Variants in HCRTR2 observed in about 807,000 individuals in gnomAD.
HCRTR2 encodes the protein hypocretin receptor 2, also known as orexin receptor type 2.
HCRTR2 carries 22 observed loss-of-function variants against 49.0 expected under a neutral mutation model. The ratio of observed to expected loss-of-function variants is 0.45; its 90% CI spans 0.32 to 0.64. The LOEUF (loss-of-function observed/expected upper bound fraction) is 0.64, where lower values mean the gene tolerates loss of function less well. Ranked by LOEUF, HCRTR2 falls within the 30% of genes least tolerant of loss-of-function variation. The pLI is 0.04. For missense variants in HCRTR2, 491 were observed against 559.4 expected, an observed-to-expected ratio of 0.88 and a Z score of 1.23; for synonymous variants, 236 against 205.3, an observed-to-expected ratio of 1.15 and a Z score of -1.28.
rs150593416 is a variant in HCRTR2, at chr6:55,188,469, C to T, written c.223+13659C>T. Among the ~76,000 whole-genome samples the T allele has an allele frequency of 2.0e-4, 31 of 152,318 alleles. No individual in the cohort carries two copies. The East Asian group carries it at 6.0e-3, about 29-fold the overall frequency. On this transcript the variant is annotated intron_variant, in intron 1 of 6. Transcript: ENST00000370862. ...TGAAGTCATGCAAAGATATCTTTTT[C>T]ATCCAAATGGAGGCAAAAGCATCAT...
rs149271843 is a variant in HCRTR2, at chr6:55,213,775, A to G, written c.224-34864A>G. 1.8e-4 allele frequency among the ~76,000 whole-genome samples: 28 copies of G among 152,250 alleles called. No homozygotes were observed. In the East Asian group the frequency reaches 5.2e-3, roughly 28 times the overall value. ...ACTAGCTTCCGTCATGCCTAAATAC[A>G]AGTGCTAATTGGGAAGTCCACAATG... On this transcript the variant is annotated intron_variant, in intron 1 of 6. Transcript: ENST00000370862.
At chr6:55,219,154 A>G (rs1213207381) in intron 1 of HCRTR2, among the ~76,000 whole-genome samples, 3 of 152,192 alleles carry the variant, frequency 2.0e-5, no homozygotes, top group African/African-American at 7.2e-5. Context: ...ACATCCAGAC[A>G]GAAGATCAAT....
chr6:55,115,508 GT>G (rs367957544), intron 1 of HCRTR2, among the ~76,000 whole-genome samples: 3 of 142,232 alleles, frequency 2.1e-5, no homozygotes, highest in East Asian at 4.0e-4. Context: ...GTGTGTGTGT[GT>G]GTGGTAGTAG....
chr6:55,275,249 T>C (rs2127329852), intron 4 of HCRTR2, among the ~76,000 whole-genome samples: 1 of 152,304 alleles, frequency 6.6e-6, no homozygotes, highest in South Asian at 2.1e-4. Context: ...ATTTATAAAG[T>C]TTATTCATAA....
intron 1 of HCRTR2, among the ~76,000 whole-genome samples, chr6:55,113,549 T>G (rs1283654330): frequency 6.6e-6 from 1 of 151,954 alleles, no homozygotes; most frequent in East Asian, 1.9e-4. Context: ...TCACTAATTA[T>G]CAGGAAAATG....
At chr6:55,149,854 C>T (rs1045973982) in intron 1 of HCRTR2, among the ~76,000 whole-genome samples, 2 of 151,980 alleles carry the variant, frequency 1.3e-5, no homozygotes, top group Non-Finnish European at 2.9e-5. Context: ...TTCAGAACTT[C>T]TGACTGGAAA....
At chr6:55,177,214 T>A (rs937303472) in intron 1 of HCRTR2, among the ~76,000 whole-genome samples, 1 of 152,184 alleles carries the variant, frequency 6.6e-6, no homozygotes, top group Non-Finnish European at 1.5e-5. Flanking sequence ...AAAGATTTAC[T>A]CAAAGCACTC....
intron 1 of HCRTR2, among the ~76,000 whole-genome samples, chr6:55,239,541 A>G (rs1302964038): frequency 6.6e-6 from 1 of 152,178 alleles, no homozygotes; most frequent in East Asian, 1.9e-4. Flanking sequence ...CCCTTTCAAG[A>G]CAAATTATTA....
At chr6:55,283,758 G>C (rs984057744), downstream of HCRTR2, among the ~76,000 whole-genome samples, 2 of 152,132 alleles carry the variant, frequency 1.3e-5, no homozygotes, top group Non-Finnish European at 2.9e-5. Context: ...ATGGGGCACA[G>C]TGTTTAAGAA....
rs147417664 is a variant in HCRTR2 at position 55,188,736 on chromosome 6, G to T, written c.223+13926G>T. ...ACCTACAAGGAATTTCTAATCTTGT[G>T]GGGGAGACTAACATGTAAACAATAA... On this transcript the variant is annotated intron_variant, in intron 1 of 6. Coordinates refer to ENST00000370862, the MANE Select transcript of HCRTR2 (RefSeq NM_001384272.1). 2.2e-4 allele frequency among the ~76,000 whole-genome samples: 33 copies of T among 152,242 alleles called. No homozygotes were observed. The East Asian group carries it at 6.2e-3, about 28-fold the overall frequency.
chr6:55,125,725 T>A (rs1764265358), intron 1 of HCRTR2, among the ~76,000 whole-genome samples: 2 of 152,190 alleles, frequency 1.3e-5, no homozygotes, highest in Admixed American at 1.3e-4. Flanking sequence ...CTTGGTTTCA[T>A]TCTCTCTGTC....
At chr6:55,142,042 A>G (rs1196337963) in intron 1 of HCRTR2, among the ~76,000 whole-genome samples, 1 of 152,192 alleles carries the variant, frequency 6.6e-6, no homozygotes, top group African/African-American at 2.4e-5. Flanking sequence ...TTAAATAGTA[A>G]AATCAAGATG....
intron 1 of HCRTR2, among the ~76,000 whole-genome samples, chr6:55,155,740 C>CA (rs1419599362): frequency 6.6e-6 from 1 of 151,788 alleles, no homozygotes; most frequent in South Asian, 2.1e-4. Context: ...TTCAAGGTGA[C>CA]AAAAAAATCA....
At chr6:55,199,841 G>A (rs1206208222) in intron 1 of HCRTR2, among the ~76,000 whole-genome samples, 1 of 152,126 alleles carries the variant, frequency 6.6e-6, no homozygotes, top group African/African-American at 2.4e-5. Context: ...AAATATATAA[G>A]GGAAGGATTT....
intron 4 of HCRTR2, among the ~76,000 whole-genome samples, chr6:55,274,678 T>G (rs780407542): frequency 8.5e-5 from 13 of 152,214 alleles, no homozygotes; most frequent in African/African-American, 2.9e-4. Flanking sequence ...CAACACTGCA[T>G]TGCTAGAATA....
intron 1 of HCRTR2, among the ~76,000 whole-genome samples, chr6:55,204,049 C>A (rs909057017): frequency 6.6e-6 from 1 of 152,110 alleles, no homozygotes; most frequent in Non-Finnish European, 1.5e-5. Context: ...ATATTTAACA[C>A]ACAAGCCTGT....
At chr6:55,121,779 G>A (rs1261283846) in intron 1 of HCRTR2, among the ~76,000 whole-genome samples, 1 of 152,140 alleles carries the variant, frequency 6.6e-6, no homozygotes, top group Non-Finnish European at 1.5e-5. Flanking sequence ...ATTGGTGTAT[G>A]TTGAACCAGC....
chr6:55,262,450 A>C (rs184355528), intron 3 of HCRTR2, among the ~76,000 whole-genome samples: 1,576 of 132,582 alleles, frequency 0.012, 36 homozygotes, highest in African/African-American at 0.043. Flanking sequence ...CTATTAATAT[A>C]TATTATTTAT....
intron 1 of HCRTR2, among the ~76,000 whole-genome samples, chr6:55,206,222 T>C (rs1765598716): frequency 1.3e-5 from 2 of 152,092 alleles, no homozygotes; most frequent in African/African-American, 2.4e-5. Context: ...TTAATAAGTG[T>C]GAGTGGAGTT....
Sources: gnomAD v4.1 joint callset for allele counts (sites outside exome capture counted in the v4.1 genomes callset) on GRCh38, gnomAD v4.1.1 for gene constraint, MANE v1.5 for transcripts, NCBI Gene and HGNC (gene_info 2026-07-23, HGNC 2026-07-21) for gene names.